Variants in LARS1 observed in about 807,000 individuals in gnomAD.
LARS1 encodes the protein leucyl-tRNA synthetase 1.
A neutral mutation model predicts 162.8 loss-of-function variants in LARS1; 100 were observed. The observed-to-expected ratio is 0.61, with a 90% confidence interval of 0.52 to 0.73. LARS1 has a LOEUF of 0.73. Among genes scored for constraint, LARS1 ranks in the 30% least tolerant of loss-of-function variants. LARS1 has a pLI of 0.00. For missense variants in LARS1, 1,258 were observed against 1,408.9 expected (o/e 0.89, Z 1.71); for synonymous variants, 457 against 462.8 (o/e 0.99, Z 0.16).
At chr5:146,175,597 T>C (rs1754524239) in intron 2 of LARS1, among the ~76,000 whole-genome samples, 4 of 150,226 alleles carry the variant, frequency 2.7e-5, no homozygotes, top group Non-Finnish European at 2.9e-5. Flanking sequence ...CCCAGCACTT[T>C]GGAAGGCCGA....
intron 30 of LARS1, 39 bp downstream of exon 30, chr5:146,122,453 T>A: frequency 8.5e-7 from 1 of 1,173,266 alleles, no homozygotes; most frequent in Non-Finnish European, 1.3e-6. Flanking sequence ...CTCTTCTGGT[T>A]TTAAAATGCA....
intron 21 of LARS1, among the ~76,000 whole-genome samples, 193 bp from the exon 22 acceptor site, chr5:146,135,857 G>A (rs1658540860): frequency 6.6e-6 from 1 of 152,178 alleles, no homozygotes; most frequent in South Asian, 2.1e-4. Flanking sequence ...CCTTGTTTGG[G>A]TTACTCAGCT....
chr5:146,130,960 A>G, intron 24 of LARS1, 59 bp downstream of exon 24: 1 of 944,902 alleles, frequency 1.1e-6, no homozygotes, highest in Non-Finnish European at 1.6e-6. Context: ...AAAAAGGGGG[A>G]AAATACATAA....
intron 23 of LARS1, chr5:146,131,392 A>C (rs1220693194): frequency 8.9e-6 from 2 of 223,480 alleles, no homozygotes; most frequent in Non-Finnish European, 1.7e-5. Context: ...TTATGACAAT[A>C]AATGATGCTT....
At chr5:146,118,479 T>C (rs921308063) in intron 31 of LARS1, among the ~76,000 whole-genome samples, 2 of 152,194 alleles carry the variant, frequency 1.3e-5, no homozygotes, top group African/African-American at 2.4e-5. Flanking sequence ...CATAATAATA[T>C]ATGGTACATT....
At chr5:146,158,086 G>A (rs1753611870) in intron 8 of LARS1, among the ~76,000 whole-genome samples, 1 of 152,138 alleles carries the variant, frequency 6.6e-6, no homozygotes, top group African/African-American at 2.4e-5. Context: ...AGTCATCAAA[G>A]GAAGACACTA....
In LARS1 at chr5:146,114,112, A is replaced by T. The variant is rs112079179; in HGVS notation, c.3525T>A (p.Val1175=). 2.2e-5 allele frequency: 35 copies of T among 1,611,570 alleles called. No homozygotes were observed. Among genetic ancestry groups the T allele is most frequent in the Non-Finnish European group, 3.0e-5 (35 of 1,178,314 alleles). The part of the protein sequence containing the change: ...VDIGDTIIYL[V]H ...ATCTCCAATGTGCATGAGTTTAATG[A>T]ACCAGATAGATTATTGTATCGCCAA... Residue 1175 remains valine (V), a synonymous_variant, in exon 32 of 32, where the codon GTT becomes GTA. Coordinates refer to ENST00000394434, the MANE Select transcript of LARS1 (RefSeq NM_020117.11).
chr5:146,114,369 G>A (rs1272866887), intron 31 of LARS1, 58 bp from the exon 32 acceptor site: 4 of 1,387,870 alleles, frequency 2.9e-6, no homozygotes, highest in Non-Finnish European at 4.0e-6. Flanking sequence ...AAACCCTGGA[G>A]CAGTCTGAGA....
chr5:146,128,764 G>C lies in LARS1; in HGVS notation c.2788C>G (p.Leu930Val), dbSNP rs1477560528. 2.5e-6 allele frequency: 4 copies of C among 1,602,776 alleles called. No homozygotes were observed. The highest frequency in any genetic ancestry group is 3.4e-6 in the Non-Finnish European group (4 of 1,177,098). Residue 930 changes from leucine to valine, a missense_variant, in exon 27 of 32, where the codon CTG becomes GTG. Leu to Val is a conservative substitution (Grantham distance 32, BLOSUM62 1). Transcript: ENST00000394434. ...AKGKKTDKQP[L>V]QKPSHCTIYV... ...ATGGTGCAATGTGAGGGCTTCTGCA[G>C]GGGTTGTTTGTCAGTCTTCTAGACG...
At chr5:146,139,645 G>A (rs992629519) in intron 21 of LARS1, 1 of 152,502 alleles carries the variant, frequency 6.6e-6, no homozygotes, top group Non-Finnish European at 1.5e-5. Flanking sequence ...GGAGGCTGAG[G>A]GCAGATCATG....
At chr5:146,182,293 A>G (rs551639036) in intron 1 of LARS1, 195 bp downstream of exon 1, 1 of 690,196 alleles carries the variant, frequency 1.4e-6, no homozygotes, top group South Asian at 1.7e-5. Context: ...ATATCCAAGT[A>G]CTCCGTAAAG....
chr5:146,117,611 A>G (rs977585260), intron 31 of LARS1, among the ~76,000 whole-genome samples: 3 of 152,182 alleles, frequency 2.0e-5, no homozygotes, highest in African/African-American at 4.8e-5. Context: ...CTCTATCTCA[A>G]AATAAGTAAA....
rs571799087 is a variant in LARS1 at position 146,122,478 on chromosome 5, T to C, written c.3192+14A>G. ...TTTAAAATGCAATGATTCAGTGAGATTCCTTCAACTTACTTCTATTCTAAA... is the reference window on the plus strand; with the variant it reads ...TTTAAAATGCAATGATTCAGTGAGACTCCTTCAACTTACTTCTATTCTAAA... On this transcript the variant is annotated intron_variant, in intron 30 of 31. Coordinates refer to ENST00000394434, the MANE Select transcript of LARS1 (RefSeq NM_020117.11). 6 of 1,409,902 alleles carry C rather than the reference T, an allele frequency of 4.3e-6. No individual in the cohort carries two copies. The South Asian group carries it at 4.7e-5, about 11-fold the overall frequency. 87.3% of individuals were successfully genotyped at this position (1,409,902 alleles called of 1,614,324 possible). A position where few individuals can be genotyped will look rare whatever the true frequency, so the allele number is the denominator to read the frequency against.
intron 21 of LARS1, chr5:146,139,040 G>GAGAAA (rs1752639555): frequency 5.1e-6 from 1 of 194,710 alleles, no homozygotes; most frequent in Non-Finnish European, 9.9e-6. Context: ...GTGGATTTGT[G>GAGAAA]AAAAAAAAAA....
At chr5:146,176,142 A>G (rs766681205) in intron 2 of LARS1, among the ~76,000 whole-genome samples, 16 of 151,834 alleles carry the variant, frequency 1.1e-4, no homozygotes, top group Non-Finnish European at 2.2e-4. Flanking sequence ...ACACAGCAAG[A>G]CTTTGTCTAA....
chr5:146,129,132 AAAAAC>A lies in LARS1; in HGVS notation c.2629-19_2629-15del. On this transcript the variant is annotated splice_polypyrimidine_tract_variant and intron_variant, in intron 25 of 31. Transcript: ENST00000394434. ...AATTGAGTCAGGCTTTTAAAAAAAG[AAAAAC>A]AAAAAAACCTTCAGTGAGATTAGAC... 3 of 1,507,904 alleles carry A rather than the reference AAAAAC, an allele frequency of 2.0e-6. No individual in the cohort carries two copies. The highest frequency in any genetic ancestry group is 2.7e-6 in the Non-Finnish European group (3 of 1,125,824). The allele number at this position is 1,507,904 out of a possible 1,614,324, so 93.4% of individuals were successfully genotyped here. A position where few individuals can be genotyped will look rare whatever the true frequency, so the allele number is the denominator to read the frequency against.
intron 31 of LARS1, among the ~76,000 whole-genome samples, chr5:146,119,679 A>C (rs1751732153): frequency 6.6e-6 from 1 of 152,180 alleles, no homozygotes; most frequent in African/African-American, 2.4e-5. Flanking sequence ...AAATTATTAC[A>C]TTGAATCTAA....
chr5:146,161,215 T>C (rs760729701), intron 6 of LARS1, among the ~76,000 whole-genome samples: 18 of 152,240 alleles, frequency 1.2e-4, no homozygotes, highest in Admixed American at 7.2e-4. Context: ...CATCTGAGCC[T>C]TCAGTTGAGT....
intron 2 of LARS1, among the ~76,000 whole-genome samples, chr5:146,174,462 A>C (rs1309180363): frequency 2.4e-5 from 2 of 84,794 alleles, no homozygotes; most frequent in Non-Finnish European, 5.2e-5. Flanking sequence ...ATATATATAT[A>C]TCCATATATA....
Sources: gnomAD v4.1 joint callset for allele counts (sites outside exome capture counted in the v4.1 genomes callset) on GRCh38, gnomAD v4.1.1 for gene constraint, MANE v1.5 for transcripts, NCBI Gene and HGNC (gene_info 2026-07-23, HGNC 2026-07-21) for gene names.